The following PCK2 variants were observed in gnomAD, a reference collection of about 807,000 sequenced individuals.
The protein encoded by PCK2 is phosphoenolpyruvate carboxykinase [GTP], mitochondrial.
A neutral mutation model predicts 65.9 loss-of-function variants in PCK2; 56 were observed. The observed-to-expected ratio is 0.85, with a 90% CI of 0.69 to 1.06. The LOEUF is 1.06. Among genes scored for constraint, PCK2 ranks in the 50% least tolerant of loss-of-function variants. The probability of loss-of-function intolerance (pLI) is 0.00; values close to 1 mark genes in which losing one functional copy is unlikely to be tolerated. For synonymous variants in PCK2, 305 were observed against 319.6 expected, an observed-to-expected ratio of 0.95 and a Z score of 0.49; for missense variants, 843 against 863.1, an observed-to-expected ratio of 0.98 and a Z score of 0.29.
chr14:24,095,409 GGCC>G (rs1316517846), intron 1 of PCK2: 4 of 362,810 alleles, frequency 1.1e-5, no homozygotes, highest in Non-Finnish European at 2.2e-5. Flanking sequence ...CTGCCCCTGG[GGCC>G]ACACTGATCA....
chr14:24,103,481 A>T, intron 9 of PCK2, 29 bp from the exon 10 acceptor site: 1 of 1,526,478 alleles, frequency 6.6e-7, no homozygotes, highest in African/African-American at 1.4e-5. Flanking sequence ...GAGAAGGAAG[A>T]TTCCTTACCC....
Position 24,098,282 on chromosome 14 carries a change from A to G in PCK2, c.355A>G (p.Thr119Ala). The change falls in exon 3 of 10, where the codon ACG (threonine) becomes GCG (alanine). Residue 119 changes from threonine to alanine, a missense_variant. Transcript: ENST00000216780. ...GATTGTAACTCCTTCTCAGCGGGAC[A>G]CGGTACCACTCCCGCCTGGTGGGGC... ...TVIVTPSQRD[T>A]VPLPPGGARG... 6.2e-7 allele frequency: 1 copy of G among 1,614,006 alleles called. No homozygotes were observed. Among genetic ancestry groups the G allele is most frequent in the Non-Finnish European group, 8.5e-7 (1 of 1,179,860 alleles).
At chr14:24,097,232 A>G in intron 2 of PCK2, 95 bp downstream of exon 2, 1 of 1,105,052 alleles carries the variant, frequency 9.0e-7, no homozygotes, top group Non-Finnish European at 1.3e-6. Flanking sequence ...ATCCCAATGG[A>G]ATGAACAAGA....
rs772944966 is a variant in PCK2 at position 24,099,694 on chromosome 14, T to A, written c.989T>A (p.Ile330Asn). ...AAAGTGGAGTGTGTGGGGGATGATA[T>A]TGCTTGGATGAGGTTTGACAGTGAA... is the stretch of plus-strand genomic sequence containing the variant. ...GWKVECVGDD[I>N]AWMRFDSEGR... Residue 330 changes from isoleucine (I) to asparagine (N), a missense_variant, in exon 6 of 10, where the codon ATT becomes AAT. By Grantham distance (149) the Ile-to-Asn change is moderately radical. Transcript: ENST00000216780. 1.9e-6 allele frequency: 3 copies of A among 1,614,066 alleles called. No homozygotes were observed. In the East Asian group the frequency reaches 6.7e-5, roughly 36 times the overall value.
At chr14:24,097,628 C>A (rs2036953343) in intron 2 of PCK2, among the ~76,000 whole-genome samples, 1 of 150,854 alleles carries the variant, frequency 6.6e-6, no homozygotes, top group Non-Finnish European at 1.5e-5. Context: ...CACTGTATCA[C>A]CCAGGCTGGA....
rs201887934 is a variant in PCK2 at position 24,100,032 on chromosome 14, T to C, written c.1053T>C (p.Phe351=). 91 of 1,614,130 alleles carry C rather than the reference T, an allele frequency of 5.6e-5. No individual in the cohort carries two copies. In the East Asian group the frequency reaches 2.0e-3, roughly 36 times the overall value. ...LRAINPENGF[F]GVAPGTSATT... ...CCATCAACCCTGAGAACGGCTTCTT[T>C]GGGGTTGCCCCTGGTACCTCTGCCA... is the stretch of plus-strand genomic sequence containing the variant. Residue 351 remains phenylalanine (F), a synonymous_variant, in exon 7 of 10, where the codon TTT becomes TTC. Coordinates refer to ENST00000216780, the MANE Select transcript of PCK2 (RefSeq NM_004563.4).
At chr14:24,095,354 C>A (rs2036821364) in intron 1 of PCK2, 1 of 410,808 alleles carries the variant, frequency 2.4e-6, no homozygotes, top group Admixed American at 2.6e-5. Context: ...CGGAGAACTT[C>A]CCTCTGAGGC....
intron 5 of PCK2, 126 bp downstream of exon 5, chr14:24,099,362 G>A (rs1316095931): frequency 2.8e-6 from 3 of 1,078,618 alleles, no homozygotes; most frequent in Admixed American, 5.4e-5. Context: ...TCTACTTGAA[G>A]GCCCAAAGCT....
Position 24,094,550 on chromosome 14 carries a change from G to T in PCK2, c.29+116G>T. On this transcript the variant is annotated intron_variant, in intron 1 of 9. Coordinates refer to ENST00000216780, the MANE Select transcript of PCK2 (RefSeq NM_004563.4). The surrounding 1 kb of genome is among the most constrained non-coding windows in gnomAD (Gnocchi z 4.1). ...CGCCAGGTTTCCCATCCTAGGCGGA[G>T]GCGGGCAGGGGCGACTGCTGTGGGT... The T allele has an allele frequency of 7.0e-7, 1 of 1,438,156 alleles. No homozygotes were observed. Among genetic ancestry groups the T allele is most frequent in the Non-Finnish European group, 9.1e-7 (1 of 1,100,540 alleles). The allele number at this position is 1,438,156 out of a possible 1,614,324, so 89.1% of individuals were successfully genotyped here. A position where few individuals can be genotyped will look rare whatever the true frequency, so the allele number is the denominator to read the frequency against.
intron 2 of PCK2, 147 bp from the exon 3 acceptor site, chr14:24,098,056 G>C: frequency 1.5e-6 from 1 of 680,586 alleles, no homozygotes; most frequent in Non-Finnish European, 2.5e-6. Context: ...ATGGGACAAA[G>C]CCTGGAGGAA....
At position 24,098,687 on chromosome 14, in the gene PCK2, C is replaced by G. The variant is rs368666493; in HGVS notation, c.664+9C>G. ...GCCCCTGACAGGACAAGGTAAGCACCTGCTCTGCCCCAAGGGGAACACAGA... is the reference window on the plus strand; with the variant it reads ...GCCCCTGACAGGACAAGGTAAGCACGTGCTCTGCCCCAAGGGGAACACAGA... On this transcript the variant is annotated intron_variant, in intron 4 of 9. Coordinates refer to ENST00000216780, the MANE Select transcript of PCK2 (RefSeq NM_004563.4). 9 of 1,611,040 alleles carry G rather than the reference C, an allele frequency of 5.6e-6. No individual in the cohort carries two copies. The highest frequency in any genetic ancestry group is 7.6e-6 in the Non-Finnish European group (9 of 1,178,024).
At chr14:24,102,949 A>ACCTC in intron 8 of PCK2, 59 bp downstream of exon 8, 1 of 1,517,956 alleles carries the variant, frequency 6.6e-7, no homozygotes, top group East Asian at 2.3e-5. Flanking sequence ...ATTAGGGCCT[A>ACCTC]CCTCCCTCCC....
rs760797632 is a variant in PCK2 at position 24,098,488 on chromosome 14, T to TCA, written c.474_475insCA (p.Val159GlnfsTer34). On this transcript the variant is annotated frameshift_variant, in exon 4 of 10. Coordinates refer to ENST00000216780, the MANE Select transcript of PCK2 (RefSeq NM_004563.4). LOFTEE classifies it high-confidence loss of function. Reference sequence around the variant, plus strand: ...CTTCCTCCACAGGCCGCACCATGTATGTGCTTCCATTCAGCATGGGTCCTG... The same window carrying TCA: ...CTTCCTCCACAGGCCGCACCATGTATCAGTGCTTCCATTCAGCATGGGTCCTG... 6.2e-7 allele frequency: 1 copy of TCA among 1,614,086 alleles called. No homozygotes were observed. Among genetic ancestry groups the TCA allele is most frequent in the Non-Finnish European group, 8.5e-7 (1 of 1,179,982 alleles).
intron 5 of PCK2, 38 bp downstream of exon 5, chr14:24,099,274 C>A: frequency 6.4e-7 from 1 of 1,565,856 alleles, no homozygotes; most frequent in Admixed American, 1.7e-5. Context: ...CTGCCGGGGA[C>A]AGGGCAGGGG....
At chr14:24,100,511 A>C in intron 7 of PCK2, 1 of 855,622 alleles carries the variant, frequency 1.2e-6, no homozygotes, top group Non-Finnish European at 1.6e-6. Context: ...TAAATAGTGC[A>C]TAAAAAGGGT....
rs111490053 is a variant in PCK2, at chr14:24,103,507, C to A, written c.1469-3C>A. On this transcript the variant is annotated splice_region_variant and splice_polypyrimidine_tract_variant and intron_variant, in intron 9 of 9. Coordinates refer to ENST00000216780, the MANE Select transcript of PCK2 (RefSeq NM_004563.4). ...TTCCTTACCCATCTTGCTTCCCCCCCAGGGAAGATCATCATGCACGACCCA... is the reference window on the plus strand; with the variant it reads ...TTCCTTACCCATCTTGCTTCCCCCCAAGGGAAGATCATCATGCACGACCCA... 1,230 of 1,542,154 alleles carry A rather than the reference C, an allele frequency of 8.0e-4. No individual in the cohort carries two copies. The highest frequency in any genetic ancestry group is 1.0e-3 in the South Asian group (81 of 78,826).
Position 24,103,660 on chromosome 14 carries a change from C to T in PCK2, c.1619C>T (p.Ala540Val). 1 of 1,614,210 alleles carries T rather than the reference C, an allele frequency of 6.2e-7. No homozygotes were observed. Residue 540 changes from alanine (A) to valine (V), a missense_variant, in exon 10 of 10, where the codon GCA becomes GTA. Transcript: ENST00000216780. ...FHVNWFRRDEAGHFLWPGFGE... is the reference protein window; with the variant it reads ...FHVNWFRRDEVGHFLWPGFGE... ...GTCAACTGGTTCCGGCGTGACGAGG[C>T]AGGGCACTTCCTGTGGCCAGGCTTT... is the stretch of plus-strand genomic sequence containing the variant.
At chr14:24,096,432 T>G (rs1020670092) in intron 1 of PCK2, among the ~76,000 whole-genome samples, 6 of 152,090 alleles carry the variant, frequency 3.9e-5, no homozygotes, top group Non-Finnish European at 5.9e-5. Context: ...AGATGGGGTT[T>G]CACCATGTTG....
rs764171541 is a variant in PCK2, at chr14:24,095,258, T to TG, written c.29+829dup. 1.8e-5 allele frequency: 8 copies of TG among 455,228 alleles called. 1 individual carries two copies. Among genetic ancestry groups the TG allele is most frequent in the South Asian group, 1.2e-4 (8 of 64,524 alleles). The allele number at this position is 455,228 out of a possible 1,614,324, so 28.2% of individuals were successfully genotyped here. ...CCACTTAGAGGGCTGCAAGAGGGTG[T>TG]GGGGGCTTCACAAGAGATAACGTGA... On this transcript the variant is annotated intron_variant, in intron 1 of 9. Transcript: ENST00000216780.
Sources: allele counts gnomAD v4.1 joint callset (sites outside exome capture counted in the v4.1 genomes callset), GRCh38; gene constraint gnomAD v4.1.1; non-coding constraint Gnocchi (gnomAD v3.1); transcripts MANE v1.5; gene names NCBI Gene and HGNC (gene_info 2026-07-23, HGNC 2026-07-21).